RIMS2: variants seen among roughly 807,000 people sequenced by gnomAD.
The protein encoded by RIMS2 is regulating synaptic membrane exocytosis 2.
Under a neutral mutation model 174.4 loss-of-function variants are expected in RIMS2, and 59 were observed. The observed-to-expected ratio is 0.34, with a 90% CI of 0.27 to 0.42. RIMS2 has a LOEUF of 0.42. Among genes scored for constraint, RIMS2 ranks in the 10% least tolerant of loss-of-function variants. The pLI is 1.00. For missense variants in RIMS2, 1,620 were observed against 1,666.3 expected (o/e 0.97, Z 0.48); for synonymous variants, 606 against 572.5 (o/e 1.06, Z -0.84).
intron 3 of RIMS2, among the ~76,000 whole-genome samples, chr8:103,773,820 C>A (rs1181751186): frequency 6.6e-6 from 1 of 152,138 alleles, no homozygotes; most frequent in African/African-American, 2.4e-5. Flanking sequence ...ACAACACTTA[C>A]CTTTTGTGAG....
intron 19 of RIMS2, among the ~76,000 whole-genome samples, chr8:104,095,987 CTT>C (rs2097756425): frequency 2.0e-5 from 3 of 152,092 alleles, no homozygotes; most frequent in Admixed American, 2.0e-4. Flanking sequence ...AAAAATGAAT[CTT>C]AAGGCATATT....
chr8:103,502,311 G>A (rs1820647375), intron 1 of RIMS2, among the ~76,000 whole-genome samples: 1 of 151,896 alleles, frequency 6.6e-6, no homozygotes, highest in Non-Finnish European at 1.5e-5. Flanking sequence ...ATTGTCAATA[G>A]GTATATATTT....
intron 19 of RIMS2, among the ~76,000 whole-genome samples, chr8:104,127,776 T>C (rs2098443946): frequency 6.6e-6 from 1 of 152,102 alleles, no homozygotes. Flanking sequence ...ACTTTTGCCC[T>C]CAAAGACAAA....
Position 104,203,475 on chromosome 8 carries a change from C to T in RIMS2, c.3335-41441C>T, listed in dbSNP as rs924418682. On this transcript the variant is annotated intron_variant, in intron 19 of 23. Coordinates refer to ENST00000504942, the Ensembl canonical transcript of RIMS2. ...AATACAAGTTTTAGGAGTTATTAGA[C>T]ATGGGACTAGACACTGTACTTTTTT... 1.6e-4 allele frequency among the ~76,000 whole-genome samples: 23 copies of T among 144,700 alleles called. No individual in the cohort carries two copies. The East Asian group carries it at 4.2e-3, about 27-fold the overall frequency. The allele number at this position is 144,700 out of a possible 152,430, so 94.9% of individuals were successfully genotyped here. A position where few individuals can be genotyped will look rare whatever the true frequency, so the allele number is the denominator to read the frequency against.
rs545013991 is a variant in RIMS2 at position 103,979,282 on chromosome 8, A to G, written c.2927+3776A>G. ...AAATGATGAAATAGGATATTACCTC[A>G]CAACTGTTAGAATGGCTCTTATCAA... On this transcript the variant is annotated intron_variant, in intron 16 of 23. Coordinates refer to ENST00000504942, the Ensembl canonical transcript of RIMS2. Among the ~76,000 whole-genome samples the G allele has an allele frequency of 4.8e-4, 73 of 152,208 alleles. 1 individual carries two copies. The highest frequency in any genetic ancestry group is 9.6e-4 in the Non-Finnish European group (65 of 68,020).
At chr8:103,553,922 G>A (rs575778329) in intron 1 of RIMS2, among the ~76,000 whole-genome samples, 1 of 147,320 alleles carries the variant, frequency 6.8e-6, no homozygotes, top group East Asian at 2.0e-4. Flanking sequence ...TCTAATCTTC[G>A]ACAAACTCAA....
At chr8:104,191,757 C>T (rs968964574) in intron 19 of RIMS2, among the ~76,000 whole-genome samples, 7 of 151,898 alleles carry the variant, frequency 4.6e-5, no homozygotes, top group African/African-American at 7.3e-5. Context: ...GAGCAAAATT[C>T]TTTTATTATT....
At chr8:104,164,587 G>A (rs2098785284) in intron 19 of RIMS2, among the ~76,000 whole-genome samples, 1 of 152,264 alleles carries the variant, frequency 6.6e-6, no homozygotes, top group African/African-American at 2.4e-5. Context: ...TAAAGAAAAT[G>A]TGGTACATAT....
At chr8:103,580,992 G>C (rs905030029) in intron 1 of RIMS2, among the ~76,000 whole-genome samples, 2 of 151,942 alleles carry the variant, frequency 1.3e-5, no homozygotes, top group Non-Finnish European at 2.9e-5. Context: ...ACCACGTCCA[G>C]CTAATTTTTT....
intron 2 of RIMS2, among the ~76,000 whole-genome samples, chr8:103,731,577 A>G (rs2097595597): frequency 6.6e-6 from 1 of 152,070 alleles, no homozygotes; most frequent in Non-Finnish European, 1.5e-5. Flanking sequence ...TAACTCTTAG[A>G]TTTGCCATTT....
chr8:104,105,758 G>T (rs550756404), intron 19 of RIMS2, among the ~76,000 whole-genome samples: 58 of 152,080 alleles, frequency 3.8e-4, no homozygotes, highest in African/African-American at 1.4e-3. Flanking sequence ...AATTTAGAAG[G>T]CTGGGCATGG....
chr8:103,745,888 T>C (rs906883315), intron 2 of RIMS2, among the ~76,000 whole-genome samples: 2 of 152,196 alleles, frequency 1.3e-5, no homozygotes, highest in African/African-American at 4.8e-5. Context: ...ATATTTTTTC[T>C]TATTCTGTGG....
chr8:104,032,181 A>G (rs762427776), intron 19 of RIMS2, among the ~76,000 whole-genome samples: 20 of 152,034 alleles, frequency 1.3e-4, no homozygotes, highest in Non-Finnish European at 2.2e-4. Flanking sequence ...CCATTATTTA[A>G]TTGCAAATGC....
At chr8:104,001,514 C>T (rs996526946) in intron 17 of RIMS2, among the ~76,000 whole-genome samples, 1 of 152,072 alleles carries the variant, frequency 6.6e-6, no homozygotes. Context: ...AATTATGTAT[C>T]TTATATTTCC....
exon 18 of RIMS2, chr8:104,013,574 T>C: frequency 6.2e-7 from 1 of 1,613,714 alleles, no homozygotes; most frequent in Non-Finnish European, 8.5e-7. Context: ...GGTCGATGCC[T>C]TCATTAATGA....
chr8:103,789,881 T>C (rs140435065), intron 3 of RIMS2, among the ~76,000 whole-genome samples: 72 of 150,158 alleles, frequency 4.8e-4, no homozygotes, highest in African/African-American at 1.7e-3. Context: ...GCGTCCCAAA[T>C]AGCTGGGACT....
intron 2 of RIMS2, among the ~76,000 whole-genome samples, chr8:103,749,237 G>A (rs1416918039): frequency 2.6e-5 from 4 of 151,620 alleles, no homozygotes; most frequent in Non-Finnish European, 5.9e-5. Flanking sequence ...TCAGCCTTCC[G>A]AGTAGCTGGG....
chr8:103,609,644 C>T (rs1317622804), intron 1 of RIMS2, among the ~76,000 whole-genome samples: 3 of 152,096 alleles, frequency 2.0e-5, no homozygotes, highest in African/African-American at 7.2e-5. Context: ...TCAGCTTTGT[C>T]CAAGATCAGA....
At chr8:103,988,063 C>T (rs1412047362) in intron 16 of RIMS2, among the ~76,000 whole-genome samples, 1 of 151,998 alleles carries the variant, frequency 6.6e-6, no homozygotes, top group Non-Finnish European at 1.5e-5. Context: ...TTGTTCTAGG[C>T]ATTATGTGGA....
Sources: gnomAD v4.1 joint callset for allele counts (sites outside exome capture counted in the v4.1 genomes callset) on GRCh38, gnomAD v4.1.1 for gene constraint, MANE v1.5 for transcripts, NCBI Gene and HGNC (gene_info 2026-07-23, HGNC 2026-07-21) for gene names.